CYREN: variants seen among roughly 807,000 people sequenced by gnomAD.
CYREN encodes the protein cell cycle regulator of non-homologous end joining.
In CYREN, 7 loss-of-function variants were observed where a neutral mutation model predicts 9.7. That is an observed-to-expected ratio of 0.72 (90% CI 0.41 to 1.36). The LOEUF (loss-of-function observed/expected upper bound fraction) is 1.36, where lower values mean the gene tolerates loss of function less well. Among genes scored for constraint, CYREN ranks in the 40% most tolerant of loss-of-function variants. CYREN has a pLI of 0.01. For synonymous variants in CYREN, 76 were observed against 77.9 expected (o/e 0.98, Z 0.13); for missense variants, 215 against 198.1 (o/e 1.09, Z -0.51).
At chr7:135,093,071 C>A (rs1162721034) in exon 3 of CYREN, 1 of 151,376 alleles carries the variant, frequency 6.6e-6, no homozygotes, top group Non-Finnish European at 1.5e-5. Flanking sequence ...AATCCTGCAG[C>A]TAATGTCATA....
intron 2 of CYREN, chr7:135,148,251 G>A: frequency 2.6e-6 from 1 of 386,988 alleles, no homozygotes; most frequent in Non-Finnish European, 5.1e-6. Flanking sequence ...GTGTTCCTGT[G>A]GTCTCTGCAC....
At chr7:135,164,551 GCAA>G, downstream of CYREN, 1 of 1,614,186 alleles carries the variant, frequency 6.2e-7, no homozygotes, top group Non-Finnish European at 8.5e-7. Flanking sequence ...TGGGAGGCTG[GCAA>G]CCTCACTGAC....
rs1198941981 is a variant in CYREN at position 135,166,972 on chromosome 7, C to T, written c.214-101G>A. On this transcript the variant is annotated intron_variant, in intron 3 of 3. Transcript: ENST00000393114. ...GATGTATCTAGAAGCAACTACAAAG[C>T]CAATGTGACCAGGCCAGGCAATGTA... is the stretch of plus-strand genomic sequence containing the variant. 2.0e-6 allele frequency: 3 copies of T among 1,531,918 alleles called. No homozygotes were observed. In the African/African-American group the frequency reaches 4.1e-5, roughly 21 times the overall value. The allele number at this position is 1,531,918 out of a possible 1,614,324, so 94.9% of individuals were successfully genotyped here.
chr7:135,140,555 T>C (rs1355415505), intron 2 of CYREN, among the ~76,000 whole-genome samples: 4 of 152,156 alleles, frequency 2.6e-5, no homozygotes, highest in African/African-American at 9.7e-5. Flanking sequence ...CTTTTATTTC[T>C]TTCTCTTGCC....
intron 2 of CYREN, among the ~76,000 whole-genome samples, chr7:135,143,264 AACAG>A (rs1355162504): frequency 4.6e-5 from 7 of 152,352 alleles, no homozygotes; most frequent in African/African-American, 7.2e-5. Context: ...TTGGCAAAAT[AACAG>A]ACAGATCAAT....
intron 2 of CYREN, among the ~76,000 whole-genome samples, chr7:135,096,783 G>GAAAGAAAGAAAGAAAGAAAT (rs1473386036): frequency 4.7e-5 from 7 of 148,866 alleles, no homozygotes; most frequent in African/African-American, 1.8e-4. Flanking sequence ...AAGAAAGAAA[G>GAAAGAAAGAAAGAAAGAAAT]AAAGAAAGAA....
intron 2 of CYREN, among the ~76,000 whole-genome samples, chr7:135,138,141 G>A (rs1297407782): frequency 6.6e-6 from 1 of 151,832 alleles, no homozygotes; most frequent in African/African-American, 2.4e-5. Flanking sequence ...AAAATTGTGG[G>A]AATTTGTCAT....
intron 2 of CYREN, 35 bp from the exon 3 acceptor site, chr7:135,167,842 G>C (rs770549393): frequency 9.9e-6 from 16 of 1,613,846 alleles, no homozygotes; most frequent in Non-Finnish European, 1.4e-5. Flanking sequence ...AGATGACACA[G>C]ACTCTCAAGT....
intron 2 of CYREN, chr7:135,099,926 C>T (rs1823536224): frequency 8.8e-6 from 1 of 113,204 alleles, no homozygotes; most frequent in Non-Finnish European, 1.6e-5. Context: ...CTCGGTCTGT[C>T]GCCCAGGCTG....
At chr7:135,155,383 G>A (rs1456203336) in intron 2 of CYREN, among the ~76,000 whole-genome samples, 4 of 152,136 alleles carry the variant, frequency 2.6e-5, no homozygotes, top group Non-Finnish European at 5.9e-5. Flanking sequence ...ATTGTTTTCA[G>A]GTTGTTTTAT....
Position 135,166,448 on chromosome 7 carries a change from T to C in CYREN, c.*163A>G. On this transcript the variant is annotated 3_prime_UTR_variant, in exon 4 of 4. Coordinates refer to ENST00000393114, the MANE Select transcript of CYREN (RefSeq NM_024033.4). ...AACGGCAGCCCCAAGGCCCGGAGTGTCCAGGGGCTTCTGGCCTGAGGTGAA... is the reference window on the plus strand; with the variant it reads ...AACGGCAGCCCCAAGGCCCGGAGTGCCCAGGGGCTTCTGGCCTGAGGTGAA... The C allele has an allele frequency of 8.6e-7, 1 of 1,162,112 alleles. No individual in the cohort carries two copies. Among genetic ancestry groups the C allele is most frequent in the Non-Finnish European group, 1.2e-6 (1 of 848,578 alleles). The allele number at this position is 1,162,112 out of a possible 1,614,324, so 72.0% of individuals were successfully genotyped here.
chr7:135,094,264 CTA>C, exon 3 of CYREN: 1 of 399,596 alleles, frequency 2.5e-6, no homozygotes, highest in South Asian at 1.8e-5. Context: ...GCTGAACAAA[CTA>C]AAAATCAGCA....
intron 2 of CYREN, among the ~76,000 whole-genome samples, chr7:135,135,974 TC>T (rs1249682448): frequency 6.6e-6 from 1 of 152,102 alleles, no homozygotes; most frequent in Non-Finnish European, 1.5e-5. Flanking sequence ...TTGGTTTACA[TC>T]TCCAGCCATT....
At chr7:135,157,183 G>A (rs1115265) in intron 2 of CYREN, among the ~76,000 whole-genome samples, 7,752 of 152,216 alleles carry the variant, frequency 0.051, 261 homozygotes, top group Non-Finnish European at 0.08. Flanking sequence ...ATTTCTTTGC[G>A]TCTGGTGTAG....
chr7:135,094,789 T>C lies in CYREN; in HGVS notation n.357-207A>G, dbSNP rs139356743. Among the ~76,000 whole-genome samples the C allele has an allele frequency of 7.2e-5, 11 of 152,318 alleles. No individual in the cohort carries two copies. In the East Asian group the frequency reaches 1.9e-3, roughly 27 times the overall value. ...AGAGGAGCAAGAGGCCTTACATTTA[T>C]AGGAATTTATTCAGATTACATAAGT... On this transcript the variant is annotated intron_variant and non_coding_transcript_variant, in intron 2 of 2. Transcript: ENST00000459937.
intron 1 of CYREN, among the ~76,000 whole-genome samples, chr7:135,170,015 T>C (rs1163780992): frequency 6.6e-6 from 1 of 152,218 alleles, no homozygotes. Flanking sequence ...CTAAGGCGCC[T>C]CCCAAGCGCA....
At chr7:135,164,405 G>A, downstream of CYREN, 1 of 1,570,152 alleles carries the variant, frequency 6.4e-7, no homozygotes, top group Non-Finnish European at 8.7e-7. Flanking sequence ...TGACTGCTGT[G>A]ACTTCCCCGC....
chr7:135,138,902 T>C (rs142724952), intron 2 of CYREN, among the ~76,000 whole-genome samples: 348 of 152,150 alleles, frequency 2.3e-3, no homozygotes, highest in Non-Finnish European at 4.2e-3. Context: ...GCTTCACCCA[T>C]GTTGCTGTAA....
intron 2 of CYREN, among the ~76,000 whole-genome samples, chr7:135,141,809 A>C (rs1319436971): frequency 6.6e-6 from 1 of 152,164 alleles, no homozygotes; most frequent in Non-Finnish European, 1.5e-5. Context: ...TTGTTTACCC[A>C]TAAGTAATTC....
Sources: gnomAD v4.1 joint callset for allele counts (sites outside exome capture counted in the v4.1 genomes callset) on GRCh38, gnomAD v4.1.1 for gene constraint, MANE v1.5 for transcripts, NCBI Gene and HGNC (gene_info 2026-07-23, HGNC 2026-07-21) for gene names.